The following MAPK8 variants were observed in gnomAD, a reference collection of about 807,000 sequenced individuals.
MAPK8 encodes the protein JUN N-terminal kinase.
In MAPK8, 13 loss-of-function variants were observed where a neutral mutation model predicts 52.9. The observed-to-expected ratio is 0.25, with a 90% CI of 0.16 to 0.39. The LOEUF (loss-of-function observed/expected upper bound fraction) is 0.39. MAPK8 is among the 10% of genes least tolerant of loss of function. MAPK8 has a pLI of 1.00. For missense variants in MAPK8, 300 were observed against 519.2 expected (o/e 0.58, Z 4.10); for synonymous variants, 191 against 169.8 (o/e 1.12, Z -0.97).
At chr10:48,387,032 AG>A (rs1453514525) in intron 1 of MAPK8, among the ~76,000 whole-genome samples, 1 of 152,244 alleles carries the variant, frequency 6.6e-6, no homozygotes, top group Non-Finnish European at 1.5e-5. Flanking sequence ...TTTCTGTCTT[AG>A]CATCATTTTG....
chr10:48,387,254 A>G (rs1476369000), intron 1 of MAPK8, among the ~76,000 whole-genome samples: 1 of 152,194 alleles, frequency 6.6e-6, no homozygotes, highest in Admixed American at 6.6e-5. Context: ...AGGGCAAACA[A>G]AGTTGTCTCT....
At chr10:48,374,816 G>A (rs1222675672) in intron 1 of MAPK8, among the ~76,000 whole-genome samples, 1 of 152,158 alleles carries the variant, frequency 6.6e-6, no homozygotes, top group Non-Finnish European at 1.5e-5. Context: ...GGTACAAAGA[G>A]GAGCTGGTAC....
intron 1 of MAPK8, among the ~76,000 whole-genome samples, chr10:48,397,196 T>C (rs2041931035): frequency 6.6e-6 from 1 of 151,938 alleles, no homozygotes; most frequent in South Asian, 2.1e-4. Flanking sequence ...TTGCCCAGGA[T>C]AGCATGCAGT....
intron 1 of MAPK8, among the ~76,000 whole-genome samples, chr10:48,324,327 A>T (rs979340839): frequency 6.6e-6 from 1 of 152,072 alleles, no homozygotes; most frequent in African/African-American, 2.4e-5. Context: ...GTTCAAATTG[A>T]TGTTTCTGTT....
At chr10:48,403,853 A>ATTC (rs1378559373) in intron 2 of MAPK8, among the ~76,000 whole-genome samples, 2 of 150,128 alleles carry the variant, frequency 1.3e-5, no homozygotes, top group Admixed American at 1.3e-4. Flanking sequence ...GGTTCACGCC[A>ATTC]TTCTCCCGCC....
At chr10:48,404,789 TG>T in intron 2 of MAPK8, 62 bp from the exon 3 acceptor site, 1 of 1,348,062 alleles carries the variant, frequency 7.4e-7, no homozygotes, top group Non-Finnish European at 1.0e-6. Context: ...GACTGTTTCA[TG>T]AATTCAGTTT....
At chr10:48,355,247 C>T (rs10776598) in intron 1 of MAPK8, among the ~76,000 whole-genome samples, 76,079 of 151,998 alleles carry the variant, frequency 0.5, 19,667 homozygotes, top group Middle Eastern at 0.72. Flanking sequence ...TGGTGGCTCA[C>T]GCCTGTAATC....
intron 11 of MAPK8, among the ~76,000 whole-genome samples, chr10:48,433,153 A>G (rs2044491588): frequency 1.3e-5 from 2 of 152,200 alleles, no homozygotes; most frequent in African/African-American, 2.4e-5. Flanking sequence ...TACCATTCAG[A>G]TATTTGAGAA....
chr10:48,307,740 G>T (rs184490096), intron 1 of MAPK8, among the ~76,000 whole-genome samples: 1 of 152,096 alleles, frequency 6.6e-6, no homozygotes, highest in Non-Finnish European at 1.5e-5. Context: ...ATTCTGGTCC[G>T]TCAGTCCATT....
At chr10:48,380,135 G>A (rs528912559) in intron 1 of MAPK8, among the ~76,000 whole-genome samples, 3 of 152,098 alleles carry the variant, frequency 2.0e-5, no homozygotes, top group East Asian at 1.9e-4. Flanking sequence ...CCAGCTACCC[G>A]GGAGGCTGAG....
chr10:48,359,525 T>C (rs773723725), intron 1 of MAPK8, among the ~76,000 whole-genome samples: 1 of 152,154 alleles, frequency 6.6e-6, no homozygotes, highest in African/African-American at 2.4e-5. Context: ...ATCGATATAT[T>C]ATAAAATGAA....
intron 1 of MAPK8, among the ~76,000 whole-genome samples, chr10:48,316,177 A>G (rs1842480297): frequency 6.6e-6 from 1 of 152,242 alleles, no homozygotes; most frequent in African/African-American, 2.4e-5. Context: ...GGTCCATTAC[A>G]GACCACATAT....
intron 1 of MAPK8, among the ~76,000 whole-genome samples, chr10:48,380,368 TC>T (rs1235456330): frequency 6.6e-6 from 1 of 152,232 alleles, no homozygotes; most frequent in Non-Finnish European, 1.5e-5. Flanking sequence ...GAACACTATT[TC>T]TTGTCTGACA....
intron 1 of MAPK8, among the ~76,000 whole-genome samples, chr10:48,330,504 A>G (rs991393478): frequency 2.0e-5 from 3 of 152,238 alleles, no homozygotes; most frequent in African/African-American, 7.2e-5. Context: ...AAGCCAGACC[A>G]TAAAGGGATT....
intron 1 of MAPK8, among the ~76,000 whole-genome samples, chr10:48,341,791 A>T (rs1845294468): frequency 1.3e-5 from 2 of 152,242 alleles, no homozygotes; most frequent in South Asian, 4.1e-4. Flanking sequence ...CTGATTTAGG[A>T]TGGACAGACA....
At chr10:48,405,505 A>T (rs192451819) in intron 3 of MAPK8, among the ~76,000 whole-genome samples, 9 of 152,338 alleles carry the variant, frequency 5.9e-5, no homozygotes, top group Non-Finnish European at 1.0e-4. Context: ...AACTATCTAG[A>T]GGGTATTAAC....
At chr10:48,310,818 A>G (rs1328698784) in intron 1 of MAPK8, among the ~76,000 whole-genome samples, 1 of 152,062 alleles carries the variant, frequency 6.6e-6, no homozygotes, top group African/African-American at 2.4e-5. Context: ...AAAACTTAGT[A>G]GCTTCCATTC....
intron 1 of MAPK8, among the ~76,000 whole-genome samples, chr10:48,318,934 G>A (rs1222180296): frequency 6.6e-6 from 1 of 152,214 alleles, no homozygotes; most frequent in South Asian, 2.1e-4. Flanking sequence ...AATGGAGGAC[G>A]TACACAGCAG....
intron 1 of MAPK8, among the ~76,000 whole-genome samples, chr10:48,325,592 A>G (rs1049110685): frequency 6.6e-6 from 1 of 152,212 alleles, no homozygotes; most frequent in African/African-American, 2.4e-5. Flanking sequence ...TATACCCCAG[A>G]CCCAATTTCT....
Sources: allele counts gnomAD v4.1 joint callset (sites outside exome capture counted in the v4.1 genomes callset), GRCh38; gene constraint gnomAD v4.1.1; transcripts MANE v1.5; gene names NCBI Gene and HGNC (gene_info 2026-07-23, HGNC 2026-07-21).